The following ASPRV1 variants were observed in gnomAD, a reference collection of about 807,000 sequenced individuals.
ASPRV1 encodes the protein aspartic peptidase retroviral like 1, also known as retroviral-like aspartic protease 1.
ASPRV1 carries 7 observed loss-of-function variants against 11.0 expected under a neutral mutation model. The observed-to-expected ratio is 0.64, with a 90% CI of 0.36 to 1.20. ASPRV1 has a LOEUF of 1.20. Ranked by LOEUF, ASPRV1 falls within the 50% of genes most tolerant of loss-of-function variation. ASPRV1 has a pLI of 0.02. For missense variants in ASPRV1, 299 were observed against 320.0 expected, an observed-to-expected ratio of 0.93 and a Z score of 0.50; for synonymous variants, 136 against 138.4, an observed-to-expected ratio of 0.98 and a Z score of 0.12.
the ASPRV1 span, among the ~76,000 whole-genome samples, chr2:69,973,578 C>G: frequency 6.6e-6 from 1 of 152,170 alleles, no homozygotes; most frequent in Admixed American, 6.5e-5. Context: ...GGACTCCTGG[C>G]CTCGAGCAAT....
the ASPRV1 span, among the ~76,000 whole-genome samples, chr2:70,065,114 CAAAA>C: frequency 2.1e-5 from 3 of 143,794 alleles, no homozygotes; most frequent in African/African-American, 7.7e-5. Flanking sequence ...CAAAACAAAA[CAAAA>C]AAAAGGCCAG....
upstream of ASPRV1, chr2:69,963,537 C>T (rs115072048): frequency 6.9e-6 from 3 of 435,760 alleles, no homozygotes; most frequent in Non-Finnish European, 1.4e-5. Context: ...TAGCATGCGA[C>T]CAAGGGAGGA....
chr2:69,972,637 C>T, the ASPRV1 span, among the ~76,000 whole-genome samples: 18 of 152,258 alleles, frequency 1.2e-4, no homozygotes, highest in East Asian at 3.9e-4. Flanking sequence ...GGATTACAGG[C>T]GTGAGCCATT....
chr2:69,956,395 CA>C (rs952085610), downstream of ASPRV1, among the ~76,000 whole-genome samples: 6 of 137,698 alleles, frequency 4.4e-5, no homozygotes, highest in African/African-American at 1.8e-4. Flanking sequence ...CCAGCTAGGG[CA>C]AAAAAGCAAG....
the ASPRV1 span, chr2:69,937,997 T>G: frequency 8.7e-7 from 1 of 1,146,350 alleles, no homozygotes; most frequent in Non-Finnish European, 1.2e-6. Flanking sequence ...TCCACCCGCC[T>G]TTGCCTCCCA....
At chr2:70,011,197 T>C in the ASPRV1 span, among the ~76,000 whole-genome samples, 1 of 151,886 alleles carries the variant, frequency 6.6e-6, no homozygotes, top group Admixed American at 6.6e-5. Flanking sequence ...TGAAATAATC[T>C]GTACAACAAA....
chr2:70,029,317 CAA>C, the ASPRV1 span, among the ~76,000 whole-genome samples: 2 of 151,972 alleles, frequency 1.3e-5, no homozygotes. Flanking sequence ...AAGCTGAGTG[CAA>C]AGACATTGGC....
At chr2:69,988,987 CT>C in the ASPRV1 span, 32 of 325,060 alleles carry the variant, frequency 9.8e-5, no homozygotes, top group South Asian at 2.0e-4. Context: ...CTAAAGAACA[CT>C]TTTTTTTTCC....
At chr2:70,086,672 A>G in the ASPRV1 span, among the ~76,000 whole-genome samples, 1 of 152,354 alleles carries the variant, frequency 6.6e-6, no homozygotes, top group African/African-American at 2.4e-5. Flanking sequence ...TATTGTTTCT[A>G]ATGTCGGAAA....
chr2:69,980,885 C>G, the ASPRV1 span, among the ~76,000 whole-genome samples: 1 of 152,222 alleles, frequency 6.6e-6, no homozygotes, highest in Non-Finnish European at 1.5e-5. Flanking sequence ...AAGTGATTTT[C>G]CAGCCTCAGC....
the ASPRV1 span, among the ~76,000 whole-genome samples, chr2:70,051,810 G>GA: frequency 0.024 from 3,714 of 151,984 alleles, 344 homozygotes; most frequent in Admixed American, 0.17. Flanking sequence ...CCCATCTTTA[G>GA]AAAAAAATTT....
At chr2:70,034,440 G>A in the ASPRV1 span, among the ~76,000 whole-genome samples, 642 of 151,936 alleles carry the variant, frequency 4.2e-3, 4 homozygotes, top group African/African-American at 0.014. Context: ...GCGTGGTGGC[G>A]CATGCCTGTA....
At chr2:70,061,242 A>C in the ASPRV1 span, among the ~76,000 whole-genome samples, 5 of 152,038 alleles carry the variant, frequency 3.3e-5, no homozygotes, top group Non-Finnish European at 4.4e-5. Context: ...TGAAAAATAC[A>C]AAATTAGCCG....
chr2:69,997,185 A>G, the ASPRV1 span, among the ~76,000 whole-genome samples: 3 of 101,436 alleles, frequency 3.0e-5, no homozygotes, highest in Admixed American at 9.5e-5. Flanking sequence ...GACCCAGTCT[A>G]TTAAAAAAAA....
At chr2:69,956,181 A>T (rs1197150725), downstream of ASPRV1, among the ~76,000 whole-genome samples, 1 of 152,210 alleles carries the variant, frequency 6.6e-6, no homozygotes, top group African/African-American at 2.4e-5. Context: ...ATCAAAATAA[A>T]TAATGATTGT....
the ASPRV1 span, among the ~76,000 whole-genome samples, chr2:70,074,334 G>A: frequency 1.3e-5 from 2 of 149,974 alleles, no homozygotes; most frequent in Non-Finnish European, 3.0e-5. Context: ...TGTCGCCCAG[G>A]CTGGAGTGCA....
chr2:70,058,795 C>T, the ASPRV1 span, among the ~76,000 whole-genome samples: 1 of 151,572 alleles, frequency 6.6e-6, no homozygotes, highest in Non-Finnish European at 1.5e-5. Context: ...TCAGGTGATC[C>T]TCCCACCTCA....
chr2:70,049,027 CTTTT>C, the ASPRV1 span: 8 of 146,508 alleles, frequency 5.5e-5, no homozygotes, highest in African/African-American at 1.2e-4. Flanking sequence ...AGATCACTTT[CTTTT>C]TTTTTTTTAT....
the ASPRV1 span, among the ~76,000 whole-genome samples, chr2:69,985,691 C>A: frequency 1.3e-5 from 2 of 152,194 alleles, no homozygotes; most frequent in Non-Finnish European, 2.9e-5. Flanking sequence ...GCACTGACTT[C>A]CTGTGCAGGT....
Sources: gnomAD v4.1 joint callset for allele counts (sites outside exome capture counted in the v4.1 genomes callset) on GRCh38, gnomAD v4.1.1 for gene constraint, MANE v1.5 for transcripts, NCBI Gene and HGNC (gene_info 2026-07-23, HGNC 2026-07-21) for gene names.